The following GRIP1 variants were observed in gnomAD, a reference collection of about 807,000 sequenced individuals.
The protein encoded by GRIP1 is glutamate receptor interacting protein 1, also known as glutamate receptor-interacting protein 1.
Under a neutral mutation model 129.9 loss-of-function variants are expected in GRIP1, and 45 were observed. The ratio of observed to expected loss-of-function variants is 0.35; its 90% CI spans 0.27 to 0.44. The LOEUF (loss-of-function observed/expected upper bound fraction) is 0.44. GRIP1 is among the 20% of genes least tolerant of loss of function. The pLI, the probability that GRIP1 is intolerant of heterozygous loss-of-function variation, is 1.00. For missense variants in GRIP1, 1,196 were observed against 1,396.8 expected (o/e 0.86, Z 2.29); for synonymous variants, 530 against 520.8 (o/e 1.02, Z -0.24).
chr12:66,364,265 C>CAAAAAAAAAAAAAAAAAAAAAAAAAA, intron 23 of GRIP1, among the ~76,000 whole-genome samples: 1 of 16,346 alleles, frequency 6.1e-5, no homozygotes, highest in Non-Finnish European at 1.1e-4. Flanking sequence ...GACTCCATCT[C>CAAAAAAAAAAAAAAAAAAAAAAAAAA]AAAAAAAAAA....
intron 1 of GRIP1, among the ~76,000 whole-genome samples, chr12:66,717,536 T>A (rs1176670449): frequency 6.6e-6 from 1 of 152,170 alleles, no homozygotes; most frequent in South Asian, 2.1e-4. Context: ...TTAAAAATGA[T>A]AACTAATCTT....
At chr12:67,056,719 C>T (rs1206253903) in intron 1 of GRIP1, among the ~76,000 whole-genome samples, 1 of 152,186 alleles carries the variant, frequency 6.6e-6, no homozygotes, top group Non-Finnish European at 1.5e-5. Flanking sequence ...GGATCAATTT[C>T]TAAACACTGA....
At chr12:66,955,470 C>T (rs2041825010) in intron 1 of GRIP1, among the ~76,000 whole-genome samples, 1 of 149,418 alleles carries the variant, frequency 6.7e-6, no homozygotes, top group Non-Finnish European at 1.5e-5. Context: ...AACTTATAAA[C>T]AAAATATATA....
chr12:66,696,390 A>G (rs2035157248), intron 1 of GRIP1, among the ~76,000 whole-genome samples: 1 of 152,188 alleles, frequency 6.6e-6, no homozygotes, highest in Non-Finnish European at 1.5e-5. Flanking sequence ...AACAAAGAAG[A>G]CATTCTACAA....
chr12:66,785,225 G>A lies in GRIP1; in HGVS notation c.-420+18828C>T, dbSNP rs1285901770. 2.6e-5 allele frequency among the ~76,000 whole-genome samples: 4 copies of A among 151,322 alleles called. No individual in the cohort carries two copies. The South Asian group carries it at 6.3e-4, about 24-fold the overall frequency. ...TGTAATCCCAGCACTTTGGGAGGCT[G>A]AGGTGGGCAGATCGCTTGAGCTCAG... On this transcript the variant is annotated intron_variant, in intron 1 of 4. Transcript: ENST00000538373.
intron 1 of GRIP1, among the ~76,000 whole-genome samples, chr12:67,060,685 T>C (rs1247334176): frequency 1.3e-5 from 2 of 151,862 alleles, no homozygotes; most frequent in Non-Finnish European, 2.9e-5. Flanking sequence ...TAGTCAGGTG[T>C]GGTGGTGCAC....
At chr12:66,840,648 A>G (rs2039699216) in intron 1 of GRIP1, among the ~76,000 whole-genome samples, 1 of 152,188 alleles carries the variant, frequency 6.6e-6, no homozygotes, top group Non-Finnish European at 1.5e-5. Flanking sequence ...GAAATACCTA[A>G]GATTTTCACA....
upstream of GRIP1, among the ~76,000 whole-genome samples, chr12:66,681,274 C>T (rs977460328): frequency 6.6e-6 from 1 of 152,104 alleles, no homozygotes; most frequent in Non-Finnish European, 1.5e-5. Context: ...TTTCTGGCCT[C>T]GCTAATGCTT....
intron 1 of GRIP1, among the ~76,000 whole-genome samples, chr12:67,029,557 C>T (rs1221839571): frequency 8.4e-6 from 1 of 119,310 alleles, no homozygotes; most frequent in Non-Finnish European, 1.6e-5. Flanking sequence ...CTAGCCTAGG[C>T]AACAGAGCAA....
At chr12:66,482,008 T>C (rs1011887770) in intron 7 of GRIP1, among the ~76,000 whole-genome samples, 9 of 152,112 alleles carry the variant, frequency 5.9e-5, no homozygotes, top group African/African-American at 2.2e-4. Context: ...GAAGACAGGT[T>C]GATGGGTGCA....
chr12:66,865,616 C>T (rs2040191517), intron 1 of GRIP1, among the ~76,000 whole-genome samples: 1 of 151,818 alleles, frequency 6.6e-6, no homozygotes, highest in Admixed American at 6.6e-5. Context: ...TCCAACCATC[C>T]ATCCATCCAA....
At chr12:67,016,712 T>C (rs940246997) in intron 1 of GRIP1, among the ~76,000 whole-genome samples, 1 of 152,220 alleles carries the variant, frequency 6.6e-6, no homozygotes. Context: ...GGAGCCGTTT[T>C]TAGAAACAAA....
intron 11 of GRIP1, 140 bp from the exon 12 acceptor site, chr12:66,445,648 G>C: frequency 1.6e-6 from 1 of 615,330 alleles, no homozygotes; most frequent in Non-Finnish European, 2.9e-6. Context: ...GGTTTAGCAA[G>C]AGTTGAAAAA....
At chr12:66,651,363 C>T (rs1029346930) in intron 1 of GRIP1, among the ~76,000 whole-genome samples, 4 of 152,166 alleles carry the variant, frequency 2.6e-5, no homozygotes, top group African/African-American at 7.2e-5. Context: ...GGAGGAGAGG[C>T]ATCAGCAAAA....
At chr12:66,563,371 T>G (rs1031385727) in intron 2 of GRIP1, among the ~76,000 whole-genome samples, 3 of 152,138 alleles carry the variant, frequency 2.0e-5, no homozygotes, top group Admixed American at 6.5e-5. Context: ...GCAATCATCT[T>G]GTTTTCAAAA....
At chr12:66,465,684 G>A (rs1435335112) in intron 7 of GRIP1, among the ~76,000 whole-genome samples, 3 of 152,168 alleles carry the variant, frequency 2.0e-5, no homozygotes, top group African/African-American at 4.8e-5. Flanking sequence ...CATGTCACTT[G>A]GGATAATATC....
intron 7 of GRIP1, among the ~76,000 whole-genome samples, chr12:66,490,473 T>A (rs2060075205): frequency 6.6e-6 from 1 of 152,070 alleles, no homozygotes. Context: ...TATACAAAAA[T>A]TAACTTAAGA....
intron 4 of GRIP1, among the ~76,000 whole-genome samples, chr12:66,531,566 A>G (rs1283981910): frequency 3.3e-5 from 5 of 152,066 alleles, no homozygotes; most frequent in African/African-American, 1.2e-4. Flanking sequence ...GAAAAACAAC[A>G]TAAACCTACA....
rs77261117 is a variant in GRIP1 at position 66,601,641 on chromosome 12, G to C, written c.56-4714C>G. Among the ~76,000 whole-genome samples, 581 of 152,276 alleles carry C rather than the reference G, an allele frequency of 3.8e-3. 3 individuals carry two copies. Among genetic ancestry groups the C allele is most frequent in the African/African-American group, 0.013 (554 of 41,536 alleles). On this transcript the variant is annotated intron_variant, in intron 1 of 24. Coordinates refer to ENST00000359742, the MANE Select transcript of GRIP1 (RefSeq NM_001366722.1). ...AATTGAGGCACCTGCTAAGCCAGCA[G>C]ACCCCCTTAACATCTTGATTAGGAA... is the stretch of plus-strand genomic sequence containing the variant.
Sources: allele counts gnomAD v4.1 joint callset (sites outside exome capture counted in the v4.1 genomes callset), GRCh38; gene constraint gnomAD v4.1.1; transcripts MANE v1.5; gene names NCBI Gene and HGNC (gene_info 2026-07-23, HGNC 2026-07-21).